CPPED1: variants seen among roughly 807,000 people sequenced by gnomAD.
CPPED1 encodes serine/threonine-protein phosphatase CPPED1.
A neutral mutation model predicts 28.0 loss-of-function variants in CPPED1; 28 were observed. That is an observed-to-expected ratio of 1.00 (90% CI 0.74 to 1.37). The LOEUF (loss-of-function observed/expected upper bound fraction) is 1.37. CPPED1 is among the 40% of genes most tolerant of loss of function. The probability of loss-of-function intolerance (pLI) is 0.00; values close to 1 mark genes in which losing one functional copy is unlikely to be tolerated. For missense variants in CPPED1, 504 were observed against 416.5 expected, an observed-to-expected ratio of 1.21 and a Z score of -1.83; for synonymous variants, 198 against 180.2, an observed-to-expected ratio of 1.10 and a Z score of -0.79.
chr16:12,800,085 C>T (rs116259287), intron 1 of CPPED1, among the ~76,000 whole-genome samples: 1 of 152,066 alleles, frequency 6.6e-6, no homozygotes, highest in African/African-American at 2.4e-5. Flanking sequence ...AGCACTCCCA[C>T]CATCTCCACT....
chr16:12,779,962 T>A (rs1345377959), intron 2 of CPPED1, among the ~76,000 whole-genome samples: 1 of 152,088 alleles, frequency 6.6e-6, no homozygotes, highest in Non-Finnish European at 1.5e-5. Context: ...GGGCTTTATC[T>A]TTGCCTGGGA....
chr16:12,668,254 C>A (rs549110929), intron 3 of CPPED1, among the ~76,000 whole-genome samples: 1 of 152,018 alleles, frequency 6.6e-6, no homozygotes, highest in Non-Finnish European at 1.5e-5. Context: ...GATGACCAAA[C>A]GCCAATATTT....
intron 2 of CPPED1, among the ~76,000 whole-genome samples, chr16:12,773,791 C>T (rs906342940): frequency 2.6e-5 from 4 of 152,184 alleles, no homozygotes; most frequent in Non-Finnish European, 4.4e-5. Context: ...CAGCCACCCA[C>T]GTGAACAATC....
intron 3 of CPPED1, among the ~76,000 whole-genome samples, chr16:12,672,112 T>G (rs999528606): frequency 1.3e-5 from 2 of 152,248 alleles, no homozygotes; most frequent in Admixed American, 6.5e-5. Context: ...TAGGTTTGTG[T>G]AAGGACACTG....
intron 1 of CPPED1, among the ~76,000 whole-genome samples, chr16:12,803,150 A>G (rs2080670858): frequency 6.6e-6 from 1 of 152,212 alleles, no homozygotes; most frequent in African/African-American, 2.4e-5. Flanking sequence ...CTAAATCCAA[A>G]ATCCAAGCAC....
chr16:12,802,400 G>A (rs1596491561), intron 1 of CPPED1, among the ~76,000 whole-genome samples: 1 of 152,082 alleles, frequency 6.6e-6, no homozygotes, highest in African/African-American at 2.4e-5. Context: ...TTGTGAGTTC[G>A]AGACCAGCCT....
chr16:12,708,999 G>A (rs1212308543), intron 2 of CPPED1, among the ~76,000 whole-genome samples: 1 of 152,212 alleles, frequency 6.6e-6, no homozygotes, highest in Non-Finnish European at 1.5e-5. Context: ...AGAATTGCTT[G>A]AACCCGGGAG....
chr16:12,742,582 T>A (rs923231518), intron 2 of CPPED1, among the ~76,000 whole-genome samples: 3 of 152,112 alleles, frequency 2.0e-5, no homozygotes, highest in African/African-American at 7.2e-5. Context: ...CCTATGGTGA[T>A]CAATGACCAT....
At chr16:12,740,159 T>A (rs1343702082) in intron 2 of CPPED1, among the ~76,000 whole-genome samples, 1 of 152,088 alleles carries the variant, frequency 6.6e-6, no homozygotes, top group South Asian at 2.1e-4. Flanking sequence ...TTTAAGATAC[T>A]TTTTAGGCCG....
chr16:12,799,247 T>TG (rs1336537480), intron 1 of CPPED1, among the ~76,000 whole-genome samples: 2 of 81,330 alleles, frequency 2.5e-5, no homozygotes, highest in African/African-American at 2.2e-4. Flanking sequence ...AAGTCAGTTT[T>TG]TTTTTTTTTT....
intron 2 of CPPED1, among the ~76,000 whole-genome samples, chr16:12,731,415 G>A (rs2080196814): frequency 6.6e-6 from 1 of 151,704 alleles, no homozygotes; most frequent in Admixed American, 6.6e-5. Flanking sequence ...GTTCTGAGAG[G>A]CAGCAGAGAC....
chr16:12,777,957 T>C (rs893791274), intron 2 of CPPED1, among the ~76,000 whole-genome samples: 1 of 150,862 alleles, frequency 6.6e-6, no homozygotes, highest in Non-Finnish European at 1.5e-5. Context: ...TCACTCAGGC[T>C]GGAATGCAGT....
intron 2 of CPPED1, chr16:12,720,208 C>G (rs1186654727): frequency 1.3e-5 from 2 of 153,700 alleles, no homozygotes; most frequent in Non-Finnish European, 2.9e-5. Context: ...CAGGAGATGG[C>G]ACCCCAGATA....
chr16:12,748,660 C>T (rs1189003491), intron 2 of CPPED1, among the ~76,000 whole-genome samples: 4 of 151,952 alleles, frequency 2.6e-5, no homozygotes, highest in Non-Finnish European at 4.4e-5. Context: ...CTGAGGTGGG[C>T]GGATCATGAG....
At chr16:12,692,367 A>G (rs1242934035) in intron 3 of CPPED1, among the ~76,000 whole-genome samples, 1 of 152,198 alleles carries the variant, frequency 6.6e-6, no homozygotes, top group Non-Finnish European at 1.5e-5. Flanking sequence ...AATTCAAGGG[A>G]TATCAGAAAC....
chr16:12,746,486 G>C (rs952029664), intron 2 of CPPED1, among the ~76,000 whole-genome samples: 3 of 152,178 alleles, frequency 2.0e-5, no homozygotes, highest in Non-Finnish European at 4.4e-5. Context: ...AGCAGCCTGG[G>C]GCTGGTTACA....
chr16:12,766,229 C>CA (rs1316366411), intron 2 of CPPED1, among the ~76,000 whole-genome samples: 2 of 105,510 alleles, frequency 1.9e-5, no homozygotes, highest in Admixed American at 9.1e-5. Context: ...CCCATCTCTA[C>CA]AAAAAAAATA....
intron 2 of CPPED1, among the ~76,000 whole-genome samples, chr16:12,764,203 A>AT (rs11354214): frequency 1.2e-4 from 18 of 146,834 alleles, no homozygotes; most frequent in East Asian, 4.0e-4. Flanking sequence ...TTTGATTTTA[A>AT]TTTTTTTTTT....
chr16:12,691,902 A>G (rs1235321810), intron 3 of CPPED1, among the ~76,000 whole-genome samples: 2 of 151,666 alleles, frequency 1.3e-5, no homozygotes. Flanking sequence ...AACATGGCAC[A>G]TGTATACGTA....
Sources: gnomAD v4.1 joint callset for allele counts (sites outside exome capture counted in the v4.1 genomes callset) on GRCh38, gnomAD v4.1.1 for gene constraint, MANE v1.5 for transcripts, NCBI Gene and HGNC (gene_info 2026-07-23, HGNC 2026-07-21) for gene names.